ARID1B: variants seen among roughly 807,000 people sequenced by gnomAD.
ARID1B encodes the protein AT-rich interactive domain-containing protein 1B.
Under a neutral mutation model 212.3 loss-of-function variants are expected in ARID1B, and 30 were observed. That is an observed-to-expected ratio of 0.14 (90% CI 0.11 to 0.19). The LOEUF (loss-of-function observed/expected upper bound fraction) is 0.19, where lower values mean the gene tolerates loss of function less well. Among genes scored for constraint, ARID1B ranks in the 10% least tolerant of loss-of-function variants. The pLI, the probability that ARID1B is intolerant of heterozygous loss-of-function variation, is 1.00. For synonymous variants in ARID1B, 1,402 were observed against 1,301.7 expected (o/e 1.08, Z -1.66); for missense variants, 2,891 against 3,204.0 (o/e 0.90, Z 2.36).
intron 1 of ARID1B, among the ~76,000 whole-genome samples, chr6:156,815,994 C>G (rs1376439077): frequency 6.6e-6 from 1 of 152,202 alleles, no homozygotes; most frequent in Non-Finnish European, 1.5e-5. Flanking sequence ...TTAGACTTTT[C>G]TCATGTTAAT....
intron 2 of ARID1B, among the ~76,000 whole-genome samples, chr6:156,840,265 C>A (rs1207072036): frequency 6.6e-6 from 1 of 152,216 alleles, no homozygotes; most frequent in Non-Finnish European, 1.5e-5. Context: ...GCAGGGCTTG[C>A]TATCTGAGTT....
intron 4 of ARID1B, among the ~76,000 whole-genome samples, chr6:157,054,451 A>G (rs2128387207): frequency 6.6e-6 from 1 of 152,376 alleles, no homozygotes; most frequent in East Asian, 1.9e-4. Context: ...GTATTATTTT[A>G]TAATAAACAT....
At chr6:157,166,931 GTT>G in intron 8 of ARID1B, 107 bp from the exon 9 acceptor site, 1 of 1,431,330 alleles carries the variant, frequency 7.0e-7, no homozygotes, top group East Asian at 2.4e-5. Flanking sequence ...AACATGAAAA[GTT>G]ATAGCCCCAC....
chr6:157,196,377 A>G (rs1386635332), intron 16 of ARID1B, 62 bp downstream of exon 16: 2 of 1,547,776 alleles, frequency 1.3e-6, no homozygotes, highest in Non-Finnish European at 8.7e-7. Flanking sequence ...CCTCACACAC[A>G]CATTTCTGAG....
At chr6:157,119,719 A>C (rs1787573493) in intron 6 of ARID1B, 1 of 152,322 alleles carries the variant, frequency 6.6e-6, no homozygotes, top group South Asian at 2.1e-4. Context: ...AGCAGCCCAG[A>C]TGTGTACAGT....
intron 5 of ARID1B, among the ~76,000 whole-genome samples, chr6:157,095,375 A>G (rs1785545316): frequency 6.6e-6 from 1 of 152,236 alleles, no homozygotes. Context: ...CCAGGTGGTT[A>G]TTATGCACAG....
chr6:156,901,591 A>T (rs890278135), intron 3 of ARID1B, 66 bp downstream of exon 3: 1 of 1,528,014 alleles, frequency 6.5e-7, no homozygotes, highest in African/African-American at 1.4e-5. Flanking sequence ...GCTCTGAATC[A>T]TCTTCCTGTC....
Position 157,132,993 on chromosome 6 carries a change from C to T in ARID1B, c.2582-35C>T, listed in dbSNP as rs1234057424. On this transcript the variant is annotated intron_variant, in intron 6 of 19. Coordinates refer to ENST00000636930, the MANE Select transcript of ARID1B (RefSeq NM_001374828.1). ...TATGTATGCAGAGATTATGAAACAC[C>T]TGCATTTATATGTTTCCATTTATTT... The T allele has an allele frequency of 2.5e-6, 4 of 1,571,016 alleles. No individual in the cohort carries two copies. In the African/African-American group the frequency reaches 4.1e-5, roughly 16 times the overall value.
chr6:157,014,035 G>T (rs1294996481), intron 4 of ARID1B, among the ~76,000 whole-genome samples: 1 of 152,208 alleles, frequency 6.6e-6, no homozygotes, highest in Non-Finnish European at 1.5e-5. Flanking sequence ...TGGTGACTCA[G>T]CGTATAAACC....
intron 1 of ARID1B, among the ~76,000 whole-genome samples, chr6:156,806,783 C>G (rs287888): frequency 0.14 from 21,972 of 152,142 alleles, 2,140 homozygotes; most frequent in Non-Finnish European, 0.22. Context: ...ACTTTTCCTA[C>G]GAAGGGCCAC....
intron 4 of ARID1B, among the ~76,000 whole-genome samples, chr6:157,065,095 A>G (rs1473848564): frequency 2.0e-5 from 3 of 152,246 alleles, no homozygotes; most frequent in African/African-American, 7.2e-5. Context: ...GTATTAAAGC[A>G]GCATTTTATC....
chr6:156,813,236 T>C (rs958664921), intron 1 of ARID1B, among the ~76,000 whole-genome samples: 1 of 151,036 alleles, frequency 6.6e-6, no homozygotes, highest in Non-Finnish European at 1.5e-5. Flanking sequence ...CCCGAGTAGC[T>C]ACAACTGTAG....
chr6:156,777,911 C>T lies in ARID1B; in HGVS notation c.231C>T (p.Leu77=), dbSNP rs1030408294. The change falls in exon 1 of 20, where the codon CTC becomes CTT. Residue 77 remains leucine, a synonymous_variant. Coordinates refer to ENST00000636930, the MANE Select transcript of ARID1B (RefSeq NM_001374828.1). ...GLNSVHHHPL[L]PRHELNMAHN... ...ACAGTGTGCACCACCACCCCCTGCT[C>T]CCCCGTCACGAACTCAACATGGCCC... 1.1e-5 allele frequency: 16 copies of T among 1,515,714 alleles called. No homozygotes were observed. The highest frequency in any genetic ancestry group is 4.6e-4 in the Middle Eastern group (2 of 4,308). 93.9% of individuals were successfully genotyped at this position (1,515,714 alleles called of 1,614,324 possible). A position where few individuals can be genotyped will look rare whatever the true frequency, so the allele number is the denominator to read the frequency against.
chr6:157,178,882 A>G (rs944652648), intron 11 of ARID1B, among the ~76,000 whole-genome samples: 1 of 152,128 alleles, frequency 6.6e-6, no homozygotes, highest in Non-Finnish European at 1.5e-5. Flanking sequence ...TTCATCCAGA[A>G]CCACTCCCCA....
chr6:156,951,202 C>A (rs965759784), intron 4 of ARID1B, among the ~76,000 whole-genome samples: 6 of 152,046 alleles, frequency 3.9e-5, no homozygotes, highest in Admixed American at 1.3e-4. Flanking sequence ...GAATTTATAA[C>A]CCTTGTGCTT....
At chr6:156,872,889 T>C (rs1583193442) in intron 2 of ARID1B, among the ~76,000 whole-genome samples, 1 of 152,110 alleles carries the variant, frequency 6.6e-6, no homozygotes, top group Admixed American at 6.5e-5. Flanking sequence ...ATGCTGTTTT[T>C]CCCCTGGAAC....
intron 4 of ARID1B, among the ~76,000 whole-genome samples, chr6:156,958,917 T>C (rs1230784393): frequency 6.6e-6 from 1 of 152,238 alleles, no homozygotes; most frequent in African/African-American, 2.4e-5. Context: ...CCCTTTCTTT[T>C]CTTTCGATCT....
intron 1 of ARID1B, among the ~76,000 whole-genome samples, chr6:156,825,421 C>A (rs538272205): frequency 6.6e-6 from 1 of 152,084 alleles, no homozygotes; most frequent in Non-Finnish European, 1.5e-5. Context: ...TTAATGCTTT[C>A]GATTTTCAGA....
At chr6:156,952,429 C>T (rs1466780280) in intron 4 of ARID1B, among the ~76,000 whole-genome samples, 1 of 152,214 alleles carries the variant, frequency 6.6e-6, no homozygotes, top group African/African-American at 2.4e-5. Flanking sequence ...CATGGAACTC[C>T]ATCATAGGTC....
Sources: gnomAD v4.1 joint callset for allele counts (sites outside exome capture counted in the v4.1 genomes callset) on GRCh38, gnomAD v4.1.1 for gene constraint, MANE v1.5 for transcripts, NCBI Gene and HGNC (gene_info 2026-07-23, HGNC 2026-07-21) for gene names.